Variants in SLC2A9 observed in about 807,000 individuals in gnomAD.
SLC2A9 encodes solute carrier family 2, facilitated glucose transporter member 9.
Under a neutral mutation model 50.6 loss-of-function variants are expected in SLC2A9, and 39 were observed. The observed-to-expected ratio is 0.77, with a 90% CI of 0.60 to 1.01. The LOEUF (loss-of-function observed/expected upper bound fraction) is 1.01. Ranked by LOEUF, SLC2A9 falls within the 50% of genes least tolerant of loss-of-function variation. The probability of loss-of-function intolerance (pLI) is 0.00; values close to 1 mark genes in which losing one functional copy is unlikely to be tolerated. For missense variants in SLC2A9, 686 were observed against 677.6 expected (o/e 1.01, Z -0.14); for synonymous variants, 324 against 276.9 (o/e 1.17, Z -1.69).
At chr4:9,857,739 C>A (rs1730956305) in intron 10 of SLC2A9, among the ~76,000 whole-genome samples, 1 of 152,236 alleles carries the variant, frequency 6.6e-6, no homozygotes, top group South Asian at 2.1e-4. Context: ...CCATGGCTGC[C>A]TGCCTGGCCC....
At chr4:10,031,384 C>G (rs540752127) in intron 1 of SLC2A9, among the ~76,000 whole-genome samples, 1 of 152,376 alleles carries the variant, frequency 6.6e-6, no homozygotes, top group South Asian at 2.1e-4. Context: ...AAGTGCCACA[C>G]AGTTTGAAAA....
At chr4:9,854,324 C>CA (rs1192257834) in intron 10 of SLC2A9, among the ~76,000 whole-genome samples, 1 of 151,972 alleles carries the variant, frequency 6.6e-6, no homozygotes, top group Non-Finnish European at 1.5e-5. Flanking sequence ...CACAGAAATA[C>CA]AAAAAGCCCT....
At chr4:9,797,636 T>C (rs1050127753), downstream of SLC2A9, among the ~76,000 whole-genome samples, 5 of 152,310 alleles carry the variant, frequency 3.3e-5, no homozygotes, top group East Asian at 1.9e-4. Context: ...CAGTTAATTA[T>C]CCATAAACTT....
chr4:9,909,178 T>C (rs1189207598), intron 7 of SLC2A9, among the ~76,000 whole-genome samples: 3 of 152,226 alleles, frequency 2.0e-5, no homozygotes, highest in Non-Finnish European at 4.4e-5. Context: ...TGCCTTGGGA[T>C]AAAAGCCACT....
intron 10 of SLC2A9, among the ~76,000 whole-genome samples, chr4:9,877,742 A>T (rs533001792): frequency 6.6e-6 from 1 of 152,202 alleles, no homozygotes; most frequent in East Asian, 1.9e-4. Context: ...CCTGGCATTG[A>T]GATAATGTCA....
intron 1 of SLC2A9, 70 bp from the exon 2 acceptor site, chr4:10,019,143 C>A: frequency 7.7e-7 from 1 of 1,296,730 alleles, no homozygotes; most frequent in South Asian, 1.3e-5. Flanking sequence ...AGACCTGGAA[C>A]GTTCCCTCAG....
At chr4:9,900,429 C>G (rs967622777) in intron 8 of SLC2A9, among the ~76,000 whole-genome samples, 5 of 145,970 alleles carry the variant, frequency 3.4e-5, no homozygotes, top group Non-Finnish European at 7.6e-5. Context: ...TGGCCAAACT[C>G]AAAAATAGAG....
At chr4:10,002,765 A>G (rs6814556) in intron 2 of SLC2A9, among the ~76,000 whole-genome samples, 42,670 of 152,094 alleles carry the variant, frequency 0.28, 6,643 homozygotes, top group African/African-American at 0.4. Context: ...AGGCTGGGGA[A>G]TATCTTGAAC....
intron 7 of SLC2A9, among the ~76,000 whole-genome samples, chr4:9,910,678 T>C (rs556745806): frequency 3.9e-5 from 6 of 152,344 alleles, no homozygotes; most frequent in African/African-American, 1.2e-4. Flanking sequence ...AATCCTCTTA[T>C]GATGTGGCCA....
chr4:9,974,150 C>A (rs1578146310), intron 5 of SLC2A9, among the ~76,000 whole-genome samples: 1 of 152,092 alleles, frequency 6.6e-6, no homozygotes, highest in Non-Finnish European at 1.5e-5. Context: ...ATAATGAGAG[C>A]CAACTATGAC....
intron 3 of SLC2A9, among the ~76,000 whole-genome samples, chr4:9,809,858 T>G (rs1722646354): frequency 6.6e-6 from 1 of 151,350 alleles, no homozygotes; most frequent in Middle Eastern, 3.4e-3. Context: ...TTTTCTTTTT[T>G]TTTTTTTTTA....
chr4:9,842,830 T>A (rs550423980), intron 10 of SLC2A9, among the ~76,000 whole-genome samples: 1 of 152,294 alleles, frequency 6.6e-6, no homozygotes, highest in South Asian at 2.1e-4. Flanking sequence ...CTTGTTTGAG[T>A]ATCCTATTCT....
At chr4:9,992,320 C>A (rs898617236) in intron 3 of SLC2A9, among the ~76,000 whole-genome samples, 12 of 152,186 alleles carry the variant, frequency 7.9e-5, no homozygotes, top group Non-Finnish European at 2.9e-5. Context: ...ATGTTATTTG[C>A]CAGGATTTTC....
chr4:10,020,143 G>A (rs1763336688), intron 1 of SLC2A9, among the ~76,000 whole-genome samples: 1 of 152,136 alleles, frequency 6.6e-6, no homozygotes. Context: ...CCATGGTTCA[G>A]GGACCCATAT....
intron 2 of SLC2A9, among the ~76,000 whole-genome samples, chr4:9,998,849 C>T (rs1216973918): frequency 6.6e-6 from 1 of 152,154 alleles, no homozygotes; most frequent in African/African-American, 2.4e-5. Flanking sequence ...TCCAAACACA[C>T]ATGGGAAAAC....
intron 10 of SLC2A9, among the ~76,000 whole-genome samples, chr4:9,872,419 T>C (rs1243544259): frequency 6.6e-6 from 1 of 152,210 alleles, no homozygotes. Flanking sequence ...TAAAAATATG[T>C]TAACAAAAGA....
chr4:10,017,927 G>C (rs1762887179), intron 2 of SLC2A9, among the ~76,000 whole-genome samples: 1 of 152,242 alleles, frequency 6.6e-6, no homozygotes, highest in South Asian at 2.1e-4. Context: ...TTCCCCAGAT[G>C]TGTCCTACAT....
chr4:9,933,440 C>T (rs530140975), intron 6 of SLC2A9, among the ~76,000 whole-genome samples: 2 of 152,318 alleles, frequency 1.3e-5, no homozygotes, highest in African/African-American at 4.8e-5. Flanking sequence ...CCCAGCCCTA[C>T]TGGCACCTCT....
At chr4:9,999,610 G>A (rs1759407229) in intron 2 of SLC2A9, among the ~76,000 whole-genome samples, 1 of 152,158 alleles carries the variant, frequency 6.6e-6, no homozygotes, top group Non-Finnish European at 1.5e-5. Context: ...AGAAAGGGAA[G>A]GAGTGGGCTG....
Sources: allele counts gnomAD v4.1 joint callset (sites outside exome capture counted in the v4.1 genomes callset), GRCh38; gene constraint gnomAD v4.1.1; transcripts MANE v1.5; gene names NCBI Gene and HGNC (gene_info 2026-07-23, HGNC 2026-07-21).